Variants in RNGTT observed in about 807,000 individuals in gnomAD.
RNGTT encodes mRNA-capping enzyme.
RNGTT carries 33 observed loss-of-function variants against 79.3 expected under a neutral mutation model. The ratio of observed to expected loss-of-function variants is 0.42; its 90% confidence interval spans 0.32 to 0.56. RNGTT has a LOEUF of 0.56. Among genes scored for constraint, RNGTT ranks in the 20% least tolerant of loss-of-function variants. RNGTT has a pLI of 0.17. For synonymous variants in RNGTT, 222 were observed against 235.9 expected (o/e 0.94, Z 0.54); for missense variants, 497 against 739.1 (o/e 0.67, Z 3.80).
At chr6:88,826,848 G>GTA (rs1780681435) in intron 11 of RNGTT, among the ~76,000 whole-genome samples, 1 of 140,174 alleles carries the variant, frequency 7.1e-6, no homozygotes, top group African/African-American at 2.8e-5. Context: ...ATATATATGT[G>GTA]TGTGTGTATA....
chr6:88,732,277 A>G (rs1470605726), intron 13 of RNGTT, among the ~76,000 whole-genome samples: 2 of 152,212 alleles, frequency 1.3e-5, no homozygotes, highest in African/African-American at 4.8e-5. Flanking sequence ...AGCACATGAA[A>G]AGTGTTCAAA....
At chr6:88,725,544 G>A (rs1294748591) in intron 13 of RNGTT, among the ~76,000 whole-genome samples, 2 of 152,184 alleles carry the variant, frequency 1.3e-5, no homozygotes, top group Non-Finnish European at 2.9e-5. Context: ...ATGTCTTGGA[G>A]GTTAAAAAGA....
intron 12 of RNGTT, among the ~76,000 whole-genome samples, chr6:88,788,222 G>T (rs1465759736): frequency 6.6e-6 from 1 of 152,166 alleles, no homozygotes; most frequent in African/African-American, 2.4e-5. Flanking sequence ...TAAATTCATA[G>T]GTATGGATGA....
At chr6:88,680,508 G>T (rs1046422995) in intron 13 of RNGTT, among the ~76,000 whole-genome samples, 3 of 151,970 alleles carry the variant, frequency 2.0e-5, no homozygotes, top group Non-Finnish European at 4.4e-5. Context: ...TTGGGAAGCC[G>T]AGGAGGGGGG....
At chr6:88,857,729 AAGG>A (rs994347741) in intron 8 of RNGTT, among the ~76,000 whole-genome samples, 4 of 152,172 alleles carry the variant, frequency 2.6e-5, no homozygotes, top group Non-Finnish European at 4.4e-5. Context: ...TTACAGAGGA[AAGG>A]AGGAGGACAA....
intron 2 of RNGTT, among the ~76,000 whole-genome samples, chr6:88,937,697 C>T (rs1179505617): frequency 6.6e-6 from 1 of 152,102 alleles, no homozygotes. Context: ...AAACTTCCTT[C>T]TTAGCACTGC....
At chr6:88,751,374 G>T (rs1345414244) in intron 13 of RNGTT, among the ~76,000 whole-genome samples, 3 of 151,978 alleles carry the variant, frequency 2.0e-5, no homozygotes, top group African/African-American at 7.2e-5. Flanking sequence ...CTACCAAAAA[G>T]AAGTAAATTT....
chr6:88,842,966 T>C (rs942656030), intron 11 of RNGTT, among the ~76,000 whole-genome samples: 1 of 151,858 alleles, frequency 6.6e-6, no homozygotes. Flanking sequence ...TCCCAGCTAC[T>C]CGGTAGGCTG....
intron 1 of RNGTT, among the ~76,000 whole-genome samples, chr6:88,948,523 T>G (rs1421351486): frequency 7.0e-6 from 1 of 143,262 alleles, no homozygotes; most frequent in Non-Finnish European, 1.5e-5. Context: ...GGCCGCCCCG[T>G]CCGGGAGGTG....
chr6:88,643,647 C>A (rs941165610), intron 14 of RNGTT, among the ~76,000 whole-genome samples: 1 of 152,146 alleles, frequency 6.6e-6, no homozygotes, highest in East Asian at 1.9e-4. Context: ...ATTATAACAA[C>A]CTGTCTCTCA....
At chr6:88,906,318 A>T (rs754880574) in intron 5 of RNGTT, 47 bp downstream of exon 5, 8 of 1,292,434 alleles carry the variant, frequency 6.2e-6, no homozygotes, top group African/African-American at 1.5e-5. Flanking sequence ...TATCAATAAA[A>T]TTTTTTATTA....
At chr6:88,621,800 C>T (rs1419874590) in intron 14 of RNGTT, among the ~76,000 whole-genome samples, 1 of 152,008 alleles carries the variant, frequency 6.6e-6, no homozygotes, top group Non-Finnish European at 1.5e-5. Flanking sequence ...TTAGTTGTTA[C>T]CTGACCTGAG....
chr6:88,742,784 T>C (rs1562229081), intron 13 of RNGTT, among the ~76,000 whole-genome samples: 1 of 152,212 alleles, frequency 6.6e-6, no homozygotes, highest in Non-Finnish European at 1.5e-5. Flanking sequence ...TTTAAAAACT[T>C]TTCAAAGGGT....
intron 4 of RNGTT, among the ~76,000 whole-genome samples, chr6:88,906,870 GCAAAATAGT>G (rs1167942657): frequency 6.6e-6 from 1 of 151,952 alleles, no homozygotes; most frequent in African/African-American, 2.4e-5. Context: ...GCATATATTT[GCAAAATAGT>G]CAAATCCTAT....
At chr6:88,711,032 A>G (rs558153300) in intron 13 of RNGTT, among the ~76,000 whole-genome samples, 1 of 152,278 alleles carries the variant, frequency 6.6e-6, no homozygotes, top group East Asian at 1.9e-4. Context: ...TGAACAGAAA[A>G]TCTAGTCTTG....
intron 11 of RNGTT, among the ~76,000 whole-genome samples, chr6:88,809,628 G>T (rs990031956): frequency 3.3e-5 from 5 of 152,000 alleles, no homozygotes; most frequent in African/African-American, 1.2e-4. Flanking sequence ...AATAAAAGAA[G>T]AAATTAAAAG....
At chr6:88,801,693 A>G in intron 11 of RNGTT, 61 bp from the exon 12 acceptor site, 1 of 1,119,874 alleles carries the variant, frequency 8.9e-7, no homozygotes, top group East Asian at 2.6e-5. Flanking sequence ...AAGTATTTAA[A>G]CTTCTTGCTA....
chr6:88,626,231 A>G (rs1772628283), intron 14 of RNGTT, among the ~76,000 whole-genome samples: 1 of 152,020 alleles, frequency 6.6e-6, no homozygotes, highest in African/African-American at 2.4e-5. Flanking sequence ...TAGAAGCTGA[A>G]GCCAGAGAGT....
At chr6:88,765,064 C>T (rs752620542) in intron 13 of RNGTT, among the ~76,000 whole-genome samples, 10 of 151,730 alleles carry the variant, frequency 6.6e-5, no homozygotes, top group African/African-American at 9.7e-5. Context: ...TGGTGGCAGG[C>T]GCCTGTAGTC....
Sources: gnomAD v4.1 joint callset for allele counts (sites outside exome capture counted in the v4.1 genomes callset) on GRCh38, gnomAD v4.1.1 for gene constraint, MANE v1.5 for transcripts, NCBI Gene and HGNC (gene_info 2026-07-23, HGNC 2026-07-21) for gene names.